Variants in MAP3K13 observed in about 807,000 individuals in gnomAD.
The protein encoded by MAP3K13 is leucine zipper-bearing kinase.
Under a neutral mutation model 104.0 loss-of-function variants are expected in MAP3K13, and 52 were observed. The ratio of observed to expected loss-of-function variants is 0.50; its 90% CI spans 0.40 to 0.63. MAP3K13 has a LOEUF of 0.63. Among genes scored for constraint, MAP3K13 ranks in the 20% least tolerant of loss-of-function variants. The pLI is 0.00. For missense variants in MAP3K13, 914 were observed against 1,218.5 expected (o/e 0.75, Z 3.72); for synonymous variants, 394 against 442.2 (o/e 0.89, Z 1.37).
chr3:185,440,728 G>A (rs1715277780), intron 3 of MAP3K13, among the ~76,000 whole-genome samples: 2 of 152,104 alleles, frequency 1.3e-5, no homozygotes, highest in Admixed American at 1.3e-4. Flanking sequence ...GATCAGTGCC[G>A]TAAGCCATGA....
intron 3 of MAP3K13, among the ~76,000 whole-genome samples, chr3:185,441,689 G>A (rs1200907790): frequency 6.6e-6 from 1 of 152,120 alleles, no homozygotes; most frequent in African/African-American, 2.4e-5. Flanking sequence ...GATCACTTGA[G>A]TACAGGAGTT....
At chr3:185,355,169 A>C (rs1214417413) in intron 2 of MAP3K13, among the ~76,000 whole-genome samples, 1 of 152,184 alleles carries the variant, frequency 6.6e-6, no homozygotes, top group Non-Finnish European at 1.5e-5. Context: ...AAAAGAGTGT[A>C]ATATAATGAA....
intron 5 of MAP3K13, 132 bp downstream of exon 5, chr3:185,448,079 C>T (rs1280738708): frequency 1.9e-6 from 2 of 1,034,800 alleles, no homozygotes; most frequent in Non-Finnish European, 3.0e-6. Context: ...ATTTCAGCCT[C>T]ATATTTTCTG....
intron 1 of MAP3K13, among the ~76,000 whole-genome samples, chr3:185,416,829 C>T (rs1026806947): frequency 6.6e-6 from 1 of 150,628 alleles, no homozygotes; most frequent in Admixed American, 6.6e-5. Context: ...CACTGTGTTG[C>T]CCAGGCTGGT....
intron 2 of MAP3K13, chr3:185,329,244 A>G (rs1691714596): frequency 1.4e-6 from 1 of 703,096 alleles, no homozygotes; most frequent in African/African-American, 1.7e-5. Context: ...CAGTTAGAAA[A>G]TAAAAGTGAG....
intron 2 of MAP3K13, among the ~76,000 whole-genome samples, chr3:185,289,473 A>C (rs1720653592): frequency 6.6e-6 from 1 of 152,130 alleles, no homozygotes; most frequent in Non-Finnish European, 1.5e-5. Flanking sequence ...CCAGGACATA[A>C]ATTTTAAATT....
intron 7 of MAP3K13, among the ~76,000 whole-genome samples, chr3:185,454,495 CAT>C (rs1174660657): frequency 1.3e-4 from 11 of 87,940 alleles, no homozygotes; most frequent in East Asian, 3.2e-4. Context: ...GATATATATA[CAT>C]ATATATGAGA....
intron 1 of MAP3K13, among the ~76,000 whole-genome samples, chr3:185,397,680 T>C (rs909128180): frequency 6.6e-6 from 1 of 152,050 alleles, no homozygotes; most frequent in Non-Finnish European, 1.5e-5. Context: ...TTTCCTTTCC[T>C]TTTTACAGGG....
At chr3:185,447,636 G>T (rs1473368379) in intron 4 of MAP3K13, among the ~76,000 whole-genome samples, 153 bp from the exon 5 acceptor site, 1 of 151,676 alleles carries the variant, frequency 6.6e-6, no homozygotes, top group Admixed American at 6.6e-5. Context: ...GCTATTTCTA[G>T]TGTATAGCCA....
intron 11 of MAP3K13, among the ~76,000 whole-genome samples, chr3:185,474,778 AG>A (rs1489950349): frequency 6.6e-6 from 1 of 152,136 alleles, no homozygotes; most frequent in Non-Finnish European, 1.5e-5. Context: ...GCATGAGCCT[AG>A]GAGTCAGACA....
intron 1 of MAP3K13, among the ~76,000 whole-genome samples, chr3:185,405,638 ACT>A (rs1444073062): frequency 2.0e-5 from 3 of 151,988 alleles, no homozygotes; most frequent in Admixed American, 6.6e-5. Flanking sequence ...CACTGGTGTA[ACT>A]CTGATTCTTT....
At chr3:185,395,834 A>G (rs1409907776) in intron 1 of MAP3K13, among the ~76,000 whole-genome samples, 7 of 151,824 alleles carry the variant, frequency 4.6e-5, no homozygotes, top group Non-Finnish European at 8.8e-5. Flanking sequence ...ACAGGCACGC[A>G]TGCTCGGTGA....
intron 1 of MAP3K13, among the ~76,000 whole-genome samples, chr3:185,388,467 A>C (rs1360243515): frequency 6.6e-6 from 1 of 152,140 alleles, no homozygotes; most frequent in South Asian, 2.1e-4. Flanking sequence ...ACAGCACTGC[A>C]CTCCAGCCTA....
intron 2 of MAP3K13, among the ~76,000 whole-genome samples, chr3:185,341,570 A>C (rs1722724227): frequency 1.3e-5 from 2 of 152,202 alleles, no homozygotes; most frequent in Admixed American, 6.5e-5. Context: ...TTTCTGTGTT[A>C]AGCCTGTGGT....
At chr3:185,352,503 G>A (rs1314173038) in intron 2 of MAP3K13, among the ~76,000 whole-genome samples, 3 of 152,024 alleles carry the variant, frequency 2.0e-5, no homozygotes, top group Admixed American at 6.5e-5. Flanking sequence ...CTTACCAAAA[G>A]GAAAGAGGAA....
At chr3:185,404,587 A>AT (rs553576923) in intron 1 of MAP3K13, among the ~76,000 whole-genome samples, 46 of 152,102 alleles carry the variant, frequency 3.0e-4, no homozygotes, top group African/African-American at 1.1e-3. Flanking sequence ...TTTTTTAAAA[A>AT]TTTTTTCAAG....
chr3:185,368,212 T>C (rs1723983364), intron 1 of MAP3K13, among the ~76,000 whole-genome samples: 1 of 152,186 alleles, frequency 6.6e-6, no homozygotes, highest in African/African-American at 2.4e-5. Flanking sequence ...GGTAGTAGTA[T>C]TCCCACTGTA....
intron 2 of MAP3K13, among the ~76,000 whole-genome samples, chr3:185,312,179 C>T (rs890472489): frequency 1.3e-5 from 2 of 152,170 alleles, no homozygotes; most frequent in Non-Finnish European, 2.9e-5. Flanking sequence ...ACCTTTGCCC[C>T]AGGCTGCAAG....
intron 13 of MAP3K13, chr3:185,481,095 C>T (rs1361161829): frequency 1.3e-5 from 2 of 156,666 alleles, no homozygotes; most frequent in Non-Finnish European, 2.8e-5. Flanking sequence ...CCAAATGACA[C>T]ACACACATTG....
Sources: allele counts gnomAD v4.1 joint callset (sites outside exome capture counted in the v4.1 genomes callset), GRCh38; gene constraint gnomAD v4.1.1; transcripts MANE v1.5; gene names NCBI Gene and HGNC (gene_info 2026-07-23, HGNC 2026-07-21).